Variants in NEURL1 observed in about 807,000 individuals in gnomAD.
NEURL1 encodes the protein E3 ubiquitin-protein ligase NEURL1.
A neutral mutation model predicts 41.2 loss-of-function variants in NEURL1; 26 were observed. The observed-to-expected ratio is 0.63, with a 90% confidence interval of 0.46 to 0.87. NEURL1 has a LOEUF of 0.87. Among genes scored for constraint, NEURL1 ranks in the 40% least tolerant of loss-of-function variants. NEURL1 has a pLI of 0.00. For missense variants in NEURL1, 761 were observed against 871.1 expected, an observed-to-expected ratio of 0.87 and a Z score of 1.59; for synonymous variants, 400 against 402.3, an observed-to-expected ratio of 0.99 and a Z score of 0.07.
Position 103,589,415 on chromosome 10 carries a change from G to C in NEURL1, c.1340-99G>C, listed in dbSNP as rs913712309. On this transcript the variant is annotated intron_variant, in intron 4 of 5. Transcript: ENST00000369780. ...CCGCTCTTGGCCCTGTGGCTGGGCT[G>C]TGTGGTCAGGCCTGGGAACCCACTG... 9 of 1,351,142 alleles carry C rather than the reference G, an allele frequency of 6.7e-6. No individual in the cohort carries two copies. In the African/African-American group the frequency reaches 1.3e-4, roughly 20 times the overall value. The allele number at this position is 1,351,142 out of a possible 1,614,324, so 83.7% of individuals were successfully genotyped here.
In NEURL1 at chr10:103,590,301, G is replaced by A; in HGVS notation, c.1654G>A (p.Ala552Thr). Residue 552 changes from alanine to threonine, a missense_variant, in exon 6 of 6, where the codon GCT (alanine) becomes ACT (threonine). Ala to Thr is a moderately conservative substitution (Grantham distance 58). This residue lies in a region of NEURL1 where 45 missense variants were observed against 89.9 expected (regional missense o/e 0.50). Coordinates refer to ENST00000369780, the MANE Select transcript of NEURL1 (RefSeq NM_004210.5). ...CYACGLRLKK[A>T]LHACCPICRR... The stretch of plus-strand genomic sequence containing the variant: ...CGCCTGTGGCCTGCGCCTCAAGAAG[G>A]CTCTGCACGCCTGCTGCCCCATCTG... The A allele has an allele frequency of 1.2e-6, 2 of 1,614,104 alleles. No individual in the cohort carries two copies. Among genetic ancestry groups the A allele is most frequent in the Non-Finnish European group, 1.7e-6 (2 of 1,180,010 alleles).
rs1484237334 is a variant in NEURL1 at position 103,497,675 on chromosome 10, C to A, written c.85+3203C>A. On this transcript the variant is annotated intron_variant, in intron 1 of 5. Coordinates refer to ENST00000369780, the MANE Select transcript of NEURL1 (RefSeq NM_004210.5). ...GTGATTCCCACTGGGTTCTGAACAG[C>A]GTTGGTCTAGGAGTGTTCAGGGGAG... is the stretch of plus-strand genomic sequence containing the variant. Among the ~76,000 whole-genome samples, 5 of 152,278 alleles carry A rather than the reference C, an allele frequency of 3.3e-5. No individual in the cohort carries two copies. The South Asian group carries it at 1.0e-3, about 32-fold the overall frequency.
intron 1 of NEURL1, among the ~76,000 whole-genome samples, chr10:103,561,036 G>A (rs2035280460): frequency 6.6e-6 from 1 of 152,218 alleles, no homozygotes; most frequent in Admixed American, 6.5e-5. Context: ...CAATCACATT[G>A]TTGGCTGTGG....
At chr10:103,587,363 A>G (rs1255771269) in intron 4 of NEURL1, among the ~76,000 whole-genome samples, 1 of 152,212 alleles carries the variant, frequency 6.6e-6, no homozygotes, top group East Asian at 1.9e-4. Flanking sequence ...GCTTAAAAAA[A>G]TCCAGATTTC....
chr10:103,542,620 T>C (rs2034843895), intron 1 of NEURL1, among the ~76,000 whole-genome samples: 1 of 152,184 alleles, frequency 6.6e-6, no homozygotes, highest in African/African-American at 2.4e-5. Context: ...GGCTGAGAAC[T>C]GCTGTTGTCT....
At chr10:103,505,398 A>T (rs2133846401) in intron 1 of NEURL1, among the ~76,000 whole-genome samples, 1 of 151,968 alleles carries the variant, frequency 6.6e-6, no homozygotes, top group Middle Eastern at 3.4e-3. Context: ...TAATTTTTGT[A>T]TTTTTTAGTA....
At chr10:103,584,456 G>C (rs1015280369) in intron 3 of NEURL1, 80 bp from the exon 4 acceptor site, 1 of 918,980 alleles carries the variant, frequency 1.1e-6, no homozygotes. Flanking sequence ...AACGGTGCGC[G>C]CGTAGGGACC....
At chr10:103,551,491 A>G (rs1332638945) in intron 1 of NEURL1, among the ~76,000 whole-genome samples, 1 of 151,814 alleles carries the variant, frequency 6.6e-6, no homozygotes, top group Non-Finnish European at 1.5e-5. Context: ...TTTGGTAGAG[A>G]TGGGGTTTCA....
At chr10:103,549,916 A>G (rs1019820963) in intron 1 of NEURL1, among the ~76,000 whole-genome samples, 32 of 152,126 alleles carry the variant, frequency 2.1e-4, no homozygotes, top group Admixed American at 1.1e-3. Flanking sequence ...CAAAGTCTCT[A>G]TCATTTATTG....
intron 1 of NEURL1, among the ~76,000 whole-genome samples, chr10:103,562,855 G>A (rs558910100): frequency 6.6e-6 from 1 of 152,344 alleles, no homozygotes; most frequent in East Asian, 1.9e-4. Context: ...CCTGGGCCAA[G>A]CCTGGAAATC....
chr10:103,566,935 T>TG lies in NEURL1; in HGVS notation c.86-3935dup, dbSNP rs1180078953. 6.6e-6 allele frequency among the ~76,000 whole-genome samples: 1 copy of TG among 152,074 alleles called. No individual in the cohort carries two copies. Among genetic ancestry groups the TG allele is most frequent in the Non-Finnish European group, 1.5e-5 (1 of 68,008 alleles). ...GTATTGCCCTGTGTGCTACATGAGA[T>TG]GGTTTTGGGTGGTACATAAAGGAAA... On this transcript the variant is annotated intron_variant, in intron 1 of 5. Transcript: ENST00000369780. This position sits in a 1 kb window ranked among gnomAD's most constrained non-coding sequence, Gnocchi z 4.2.
At chr10:103,551,398 G>C (rs1375516976) in intron 1 of NEURL1, among the ~76,000 whole-genome samples, 2 of 149,966 alleles carry the variant, frequency 1.3e-5, no homozygotes, top group African/African-American at 5.0e-5. Context: ...CACCTCCTGG[G>C]TTCACACGAT....
chr10:103,583,706 A>C (rs1426880667), intron 3 of NEURL1, among the ~76,000 whole-genome samples: 48 of 20,530 alleles, frequency 2.3e-3, no homozygotes, highest in African/African-American at 0.013. Context: ...ATCCTGTCTC[A>C]AAAAAAAAAA....
At chr10:103,557,144 C>T (rs2035173804) in intron 1 of NEURL1, among the ~76,000 whole-genome samples, 1 of 152,144 alleles carries the variant, frequency 6.6e-6, no homozygotes, top group Non-Finnish European at 1.5e-5. Context: ...GATTGCTGTG[C>T]AGGCCAGGCC....
Position 103,566,344 on chromosome 10 carries a change from C to T in NEURL1, c.86-4528C>T, listed in dbSNP as rs552984999. 6.6e-6 allele frequency among the ~76,000 whole-genome samples: 1 copy of T among 152,272 alleles called. No individual in the cohort carries two copies. The highest frequency in any genetic ancestry group is 6.5e-5 in the Admixed American group (1 of 15,286). On this transcript the variant is annotated intron_variant, in intron 1 of 5. Coordinates refer to ENST00000369780, the MANE Select transcript of NEURL1 (RefSeq NM_004210.5). This position sits in a 1 kb window ranked among gnomAD's most constrained non-coding sequence, Gnocchi z 4.2. Reference sequence around the variant, plus strand: ...AACATTTCTATCGCCATAAAAACTTCCTTCCTGCCTCTTTGTAGTCAAATC... The same window carrying T: ...AACATTTCTATCGCCATAAAAACTTTCTTCCTGCCTCTTTGTAGTCAAATC...
intron 1 of NEURL1, among the ~76,000 whole-genome samples, chr10:103,564,535 A>G (rs982507841): frequency 4.6e-5 from 7 of 151,848 alleles, no homozygotes; most frequent in Admixed American, 3.9e-4. Context: ...GCTGTCTTGG[A>G]CTCGTGGGGA....
intron 1 of NEURL1, among the ~76,000 whole-genome samples, chr10:103,554,271 G>A (rs964397282): frequency 5.9e-5 from 9 of 152,320 alleles, no homozygotes; most frequent in African/African-American, 1.7e-4. Context: ...GAAACTTTGC[G>A]AGTCTGTGGA....
chr10:103,554,355 G>T (rs1188708827), intron 1 of NEURL1, among the ~76,000 whole-genome samples: 1 of 152,254 alleles, frequency 6.6e-6, no homozygotes, highest in Non-Finnish European at 1.5e-5. Flanking sequence ...GTGGTCAGTA[G>T]ATGGCTGAGT....
At position 103,558,890 on chromosome 10, in the gene NEURL1, G is replaced by A. The variant is rs915188833; in HGVS notation, c.86-11982G>A. Among the ~76,000 whole-genome samples, 2 of 152,130 alleles carry A rather than the reference G, an allele frequency of 1.3e-5. No homozygotes were observed. The highest frequency in any genetic ancestry group is 2.9e-5 in the Non-Finnish European group (2 of 68,038). ...GACGGCTGATGTGTGGGTGACACACGCACCTGCACCCAGACATTCATGTCA... is the reference window on the plus strand; with the variant it reads ...GACGGCTGATGTGTGGGTGACACACACACCTGCACCCAGACATTCATGTCA... On this transcript the variant is annotated intron_variant, in intron 1 of 5. Transcript: ENST00000369780. The surrounding 1 kb of genome is among the most constrained non-coding windows in gnomAD (Gnocchi z 4.2).
Sources: allele counts gnomAD v4.1 joint callset (sites outside exome capture counted in the v4.1 genomes callset), GRCh38; gene constraint gnomAD v4.1.1; regional missense constraint gnomAD v4.1.1; non-coding constraint Gnocchi (gnomAD v3.1); transcripts MANE v1.5; gene names NCBI Gene and HGNC (gene_info 2026-07-23, HGNC 2026-07-21).